The following CADM1 variants were observed in gnomAD, a reference collection of about 807,000 sequenced individuals.
CADM1 encodes the protein cell adhesion molecule 1, also known as TSLC-1.
A neutral mutation model predicts 53.1 loss-of-function variants in CADM1; 15 were observed. The observed-to-expected ratio is 0.28, with a 90% CI of 0.19 to 0.44. CADM1 has a LOEUF of 0.44. Among genes scored for constraint, CADM1 ranks in the 20% least tolerant of loss-of-function variants. The probability of loss-of-function intolerance (pLI) is 1.00; values close to 1 mark genes in which losing one functional copy is unlikely to be tolerated. For missense variants in CADM1, 434 were observed against 611.3 expected (o/e 0.71, Z 3.06); for synonymous variants, 281 against 243.0 (o/e 1.16, Z -1.45).
At chr11:115,244,126 A>T (rs1324313312) in intron 1 of CADM1, among the ~76,000 whole-genome samples, 2 of 152,248 alleles carry the variant, frequency 1.3e-5, no homozygotes, top group Non-Finnish European at 2.9e-5. Context: ...TTCGCTTACA[A>T]TCAAGCTTCC....
At chr11:115,373,066 A>G (rs1946347929) in intron 1 of CADM1, among the ~76,000 whole-genome samples, 2 of 152,236 alleles carry the variant, frequency 1.3e-5, no homozygotes, top group Admixed American at 6.5e-5. Flanking sequence ...AATCTACTCC[A>G]GTACCAGGCA....
chr11:115,380,679 A>G (rs1352369516), intron 1 of CADM1, among the ~76,000 whole-genome samples: 2 of 152,174 alleles, frequency 1.3e-5, no homozygotes, highest in African/African-American at 2.4e-5. Flanking sequence ...TTCATTTTTT[A>G]GTAATAGCTA....
chr11:115,424,543 T>C (rs908410271), intron 1 of CADM1, among the ~76,000 whole-genome samples: 1 of 152,152 alleles, frequency 6.6e-6, no homozygotes, highest in Admixed American at 6.5e-5. Flanking sequence ...TTTGGGTTTT[T>C]TTGAGATGGA....
At chr11:115,247,861 A>C (rs2134955625) in intron 1 of CADM1, among the ~76,000 whole-genome samples, 1 of 152,360 alleles carries the variant, frequency 6.6e-6, no homozygotes, top group South Asian at 2.1e-4. Context: ...GATTTTTGAC[A>C]ATTCCGCCCT....
intron 1 of CADM1, among the ~76,000 whole-genome samples, chr11:115,307,343 T>G (rs150986155): frequency 1.3e-4 from 20 of 151,990 alleles, no homozygotes; most frequent in African/African-American, 4.8e-4. Context: ...ATCCAGATCT[T>G]GCAAATCAGA....
At chr11:115,419,590 A>G (rs1174395827) in intron 1 of CADM1, among the ~76,000 whole-genome samples, 1 of 152,196 alleles carries the variant, frequency 6.6e-6, no homozygotes, top group African/African-American at 2.4e-5. Flanking sequence ...CTCTGTTTTC[A>G]GGTTCATAAA....
intron 1 of CADM1, among the ~76,000 whole-genome samples, chr11:115,242,239 G>C (rs1314409041): frequency 1.3e-5 from 2 of 151,646 alleles, no homozygotes; most frequent in Non-Finnish European, 2.9e-5. Flanking sequence ...CACCGGGCTT[G>C]CAGTGAGAGG....
intron 1 of CADM1, among the ~76,000 whole-genome samples, chr11:115,247,848 A>T (rs1942456314): frequency 6.6e-6 from 1 of 152,238 alleles, no homozygotes; most frequent in South Asian, 2.1e-4. Flanking sequence ...TACCTAGTGA[A>T]TAGATTTTTG....
chr11:115,174,266 ATTTTTTTTTTTTG>A lies in CADM1; in HGVS notation c.*2195_*2207del, dbSNP rs1333550960. On this transcript the variant is annotated 3_prime_UTR_variant, in exon 12 of 12. Coordinates refer to ENST00000331581, the MANE Select transcript of CADM1 (RefSeq NM_001301043.2). ...TGCCAATTCTGTGAGCAATGGTGTGATTTTTTTTTTTTGTTTTTGTTTTTGTTTTTCTTTTTTT... is the reference window on the plus strand; with the variant it reads ...TGCCAATTCTGTGAGCAATGGTGTGATTTTTGTTTTTGTTTTTCTTTTTTT... The A allele has an allele frequency of 3.3e-5, 30 of 906,680 alleles. No homozygotes were observed. Among genetic ancestry groups the A allele is most frequent in the Admixed American group, 1.9e-4 (3 of 15,884 alleles). The allele number at this position is 906,680 out of a possible 1,614,324, so 56.2% of individuals were successfully genotyped here. A position where few individuals can be genotyped will look rare whatever the true frequency, so the allele number is the denominator to read the frequency against.
chr11:115,248,687 G>C (rs972809291), intron 1 of CADM1, among the ~76,000 whole-genome samples: 1 of 152,122 alleles, frequency 6.6e-6, no homozygotes, highest in African/African-American at 2.4e-5. Flanking sequence ...AGGTTGCATG[G>C]GCTTTTCGTT....
intron 1 of CADM1, among the ~76,000 whole-genome samples, chr11:115,473,728 T>C (rs968265536): frequency 3.9e-5 from 6 of 151,940 alleles, no homozygotes; most frequent in African/African-American, 1.5e-4. Flanking sequence ...TCTCAAACTA[T>C]AAAACTTTTA....
At chr11:115,293,889 CTA>C (rs1172007889) in intron 1 of CADM1, among the ~76,000 whole-genome samples, 3 of 152,158 alleles carry the variant, frequency 2.0e-5, no homozygotes, top group Admixed American at 2.0e-4. Context: ...TCTTCAGACT[CTA>C]TGATTTAGAA....
chr11:115,452,887 AG>A (rs1827798470), intron 1 of CADM1, among the ~76,000 whole-genome samples: 1 of 152,160 alleles, frequency 6.6e-6, no homozygotes, highest in African/African-American at 2.4e-5. Context: ...AAAGGGTGGG[AG>A]TGATTGACAT....
At chr11:115,254,176 A>G (rs957540450) in intron 1 of CADM1, among the ~76,000 whole-genome samples, 2 of 152,198 alleles carry the variant, frequency 1.3e-5, no homozygotes, top group East Asian at 1.9e-4. Context: ...TCTCGAAAGC[A>G]TAATACAGTA....
chr11:115,221,500 C>G (rs889384486), intron 5 of CADM1, among the ~76,000 whole-genome samples: 1 of 152,062 alleles, frequency 6.6e-6, no homozygotes. Context: ...TTTAAATGTA[C>G]TTTGCTCTCT....
Position 115,420,508 on chromosome 11 carries a change from C to T in CADM1, c.124+83763G>A, listed in dbSNP as rs1947726635. 2.0e-5 allele frequency among the ~76,000 whole-genome samples: 3 copies of T among 152,266 alleles called. No homozygotes were observed. In the South Asian group the frequency reaches 6.2e-4, roughly 32 times the overall value. On this transcript the variant is annotated intron_variant, in intron 1 of 11. Coordinates refer to ENST00000331581, the MANE Select transcript of CADM1 (RefSeq NM_001301043.2). ...TCAGCTGCCACCATCCTGCTGTTTC[C>T]ACCCTCCTCATCCATTGGTTACGAT... is the stretch of plus-strand genomic sequence containing the variant.
intron 7 of CADM1, among the ~76,000 whole-genome samples, chr11:115,213,414 G>A (rs1298033826): frequency 1.3e-5 from 2 of 152,110 alleles, no homozygotes; most frequent in Non-Finnish European, 2.9e-5. Flanking sequence ...TTGGTAGTGC[G>A]TAAAGATAAA....
intron 1 of CADM1, among the ~76,000 whole-genome samples, chr11:115,442,215 T>C (rs754848384): frequency 2.0e-5 from 3 of 151,344 alleles, no homozygotes; most frequent in Non-Finnish European, 4.4e-5. Context: ...AAGGGACCAA[T>C]GAGTGAACAT....
At chr11:115,375,432 G>A (rs950323810) in intron 1 of CADM1, among the ~76,000 whole-genome samples, 10 of 151,932 alleles carry the variant, frequency 6.6e-5, no homozygotes, top group Admixed American at 2.6e-4. Context: ...TGGTTACTCG[G>A]GTGTTCATTT....
Sources: gnomAD v4.1 joint callset for allele counts (sites outside exome capture counted in the v4.1 genomes callset) on GRCh38, gnomAD v4.1.1 for gene constraint, MANE v1.5 for transcripts, NCBI Gene and HGNC (gene_info 2026-07-23, HGNC 2026-07-21) for gene names.